The following AIG1 variants were observed in gnomAD, a reference collection of about 807,000 sequenced individuals.
AIG1 encodes androgen induced 1.
In AIG1, 23 loss-of-function variants were observed where a neutral mutation model predicts 31.4. The observed-to-expected ratio is 0.73, with a 90% CI of 0.53 to 1.04. The LOEUF is 1.04. Among genes scored for constraint, AIG1 ranks in the 50% least tolerant of loss-of-function variants. The pLI is 0.00. For missense variants in AIG1, 274 were observed against 295.0 expected, an observed-to-expected ratio of 0.93 and a Z score of 0.52; for synonymous variants, 100 against 110.5, an observed-to-expected ratio of 0.90 and a Z score of 0.60.
At chr6:143,175,813 G>A (rs1260833370) in intron 3 of AIG1, among the ~76,000 whole-genome samples, 1 of 152,088 alleles carries the variant, frequency 6.6e-6, no homozygotes, top group Non-Finnish European at 1.5e-5. Flanking sequence ...TGGCAATTCG[G>A]GGATTTCATC....
At chr6:143,337,938 A>T (rs1777631292) in intron 5 of AIG1, 1 of 398,528 alleles carries the variant, frequency 2.5e-6, no homozygotes, top group African/African-American at 2.1e-5. Flanking sequence ...TCTTGCAAAC[A>T]TTATTTACAG....
chr6:143,315,394 A>G (rs1053081719), intron 4 of AIG1, among the ~76,000 whole-genome samples: 5 of 152,156 alleles, frequency 3.3e-5, no homozygotes, highest in African/African-American at 1.2e-4. Flanking sequence ...ACAAAGTAGG[A>G]GGACCGGCAC....
chr6:143,314,417 T>A (rs1775562505), intron 4 of AIG1, among the ~76,000 whole-genome samples: 1 of 152,000 alleles, frequency 6.6e-6, no homozygotes, highest in Non-Finnish European at 1.5e-5. Context: ...GACATGATTA[T>A]CTATGCAGAC....
intron 3 of AIG1, among the ~76,000 whole-genome samples, chr6:143,278,249 C>T (rs1384214639): frequency 6.6e-6 from 1 of 152,176 alleles, no homozygotes; most frequent in Non-Finnish European, 1.5e-5. Flanking sequence ...TTAGAAGGTA[C>T]AACTACAACT....
At chr6:143,133,907 A>G (rs1310837834) in intron 1 of AIG1, among the ~76,000 whole-genome samples, 1 of 152,064 alleles carries the variant, frequency 6.6e-6, no homozygotes, top group Non-Finnish European at 1.5e-5. Context: ...TACCAAGGCA[A>G]TATTCTACTT....
chr6:143,214,720 C>T (rs1161829733), intron 3 of AIG1, among the ~76,000 whole-genome samples: 1 of 152,114 alleles, frequency 6.6e-6, no homozygotes, highest in Non-Finnish European at 1.5e-5. Flanking sequence ...GCCATGGTCC[C>T]TTCTGTTCTG....
chr6:143,249,230 T>C (rs1175407418), intron 3 of AIG1, among the ~76,000 whole-genome samples: 2 of 152,234 alleles, frequency 1.3e-5, no homozygotes, highest in African/African-American at 4.8e-5. Flanking sequence ...GTACACCTTC[T>C]GTGGGGACAA....
At chr6:143,133,655 A>C (rs994377133) in intron 1 of AIG1, among the ~76,000 whole-genome samples, 1 of 152,168 alleles carries the variant, frequency 6.6e-6, no homozygotes, top group Non-Finnish European at 1.5e-5. Context: ...ATTATCTGAA[A>C]AGCCTGGTTC....
rs138059311 is a variant in AIG1, at chr6:143,061,117, C to CGTGTGT, written c.141+77_141+82dup. ...GCCCCGCACCCCGTGCCTGTGTGTG[C>CGTGTGT]GTGTGTGTGTGTGTGTGTGTGTGTG... On this transcript the variant is annotated intron_variant, in intron 1 of 5. Coordinates refer to ENST00000357847, the MANE Select transcript of AIG1 (RefSeq NM_016108.4). 1.1e-3 allele frequency: 1,509 copies of CGTGTGT among 1,410,218 alleles called. 3 individuals carry two copies. The African/African-American group carries it at 0.013, about 12-fold the overall frequency. The allele number at this position is 1,410,218 out of a possible 1,614,324, so 87.4% of individuals were successfully genotyped here.
intron 1 of AIG1, among the ~76,000 whole-genome samples, chr6:143,068,475 C>T (rs1183288027): frequency 2.0e-5 from 3 of 152,222 alleles, no homozygotes; most frequent in South Asian, 2.1e-4. Flanking sequence ...ACCACTTGAT[C>T]AGATCCATTG....
At chr6:143,113,955 T>C (rs906347979) in intron 1 of AIG1, among the ~76,000 whole-genome samples, 2 of 152,114 alleles carry the variant, frequency 1.3e-5, no homozygotes, top group Middle Eastern at 3.4e-3. Context: ...TTTGTATTTT[T>C]AGTAGAGATG....
chr6:143,328,501 T>G lies in AIG1; in HGVS notation c.516-4781T>G, dbSNP rs1037266788. On this transcript the variant is annotated intron_variant, in intron 4 of 5. Transcript: ENST00000357847. This position sits in a 1 kb window ranked among gnomAD's most constrained non-coding sequence, Gnocchi z 4.0. ...CTGTGTACCCATGGCACGCCTACACTTACCCTTTCTTAATTCTGACTACAC... is the reference window on the plus strand; with the variant it reads ...CTGTGTACCCATGGCACGCCTACACGTACCCTTTCTTAATTCTGACTACAC... 1.3e-5 allele frequency among the ~76,000 whole-genome samples: 2 copies of G among 152,200 alleles called. No individual in the cohort carries two copies. Among genetic ancestry groups the G allele is most frequent in the Admixed American group, 6.5e-5 (1 of 15,282 alleles).
chr6:143,215,761 G>A (rs919183639), intron 3 of AIG1, among the ~76,000 whole-genome samples: 1 of 152,128 alleles, frequency 6.6e-6, no homozygotes, highest in Non-Finnish European at 1.5e-5. Context: ...TAATCCTGTA[G>A]TCCCAGCCTC....
intron 4 of AIG1, among the ~76,000 whole-genome samples, chr6:143,294,658 T>C (rs1410132343): frequency 6.6e-6 from 1 of 152,248 alleles, no homozygotes; most frequent in Non-Finnish European, 1.5e-5. Flanking sequence ...TTTTGGCTGA[T>C]GTCACCAGTG....
intron 3 of AIG1, among the ~76,000 whole-genome samples, chr6:143,207,841 A>G (rs548122873): frequency 1.3e-5 from 2 of 152,328 alleles, no homozygotes; most frequent in South Asian, 4.1e-4. Context: ...AGCATAAAAC[A>G]TAACATTGAC....
chr6:143,256,456 A>G lies in AIG1; in HGVS notation c.400-27654A>G, dbSNP rs575395377. 1.2e-3 allele frequency among the ~76,000 whole-genome samples: 182 copies of G among 152,326 alleles called. 3 individuals carry two copies. Among genetic ancestry groups the G allele is most frequent in the Non-Finnish European group, 8.8e-5 (6 of 68,028 alleles). On this transcript the variant is annotated intron_variant, in intron 3 of 5. Transcript: ENST00000357847. This position sits in a 1 kb window ranked among gnomAD's most constrained non-coding sequence, Gnocchi z 4.6. ...TTATGCTACTGACTTCTTAAACTCG[A>G]ACGTTGGCTGTTCATTTGCCATCAG...
At chr6:143,274,924 G>T (rs956755996) in intron 3 of AIG1, among the ~76,000 whole-genome samples, 1 of 152,200 alleles carries the variant, frequency 6.6e-6, no homozygotes, top group African/African-American at 2.4e-5. Context: ...TATAAACTCA[G>T]CATATATTAG....
At chr6:143,226,832 G>A (rs1271379437) in intron 3 of AIG1, among the ~76,000 whole-genome samples, 1 of 152,082 alleles carries the variant, frequency 6.6e-6, no homozygotes, top group Non-Finnish European at 1.5e-5. Context: ...GGGATGTCAA[G>A]GCAGGCCACC....
intron 4 of AIG1, among the ~76,000 whole-genome samples, chr6:143,304,161 T>C (rs942437043): frequency 2.0e-5 from 3 of 152,098 alleles, no homozygotes; most frequent in Non-Finnish European, 2.9e-5. Flanking sequence ...TACAATCATG[T>C]CATCTACAAA....
Sources: allele counts gnomAD v4.1 joint callset (sites outside exome capture counted in the v4.1 genomes callset), GRCh38; gene constraint gnomAD v4.1.1; non-coding constraint Gnocchi (gnomAD v3.1); transcripts MANE v1.5; gene names NCBI Gene and HGNC (gene_info 2026-07-23, HGNC 2026-07-21).